The following CR1L variants were observed in gnomAD, a reference collection of about 807,000 sequenced individuals.
CR1L encodes the protein complement component receptor 1-like protein.
In CR1L, 59 loss-of-function variants were observed where a neutral mutation model predicts 62.3. The observed-to-expected ratio is 0.95, with a 90% CI of 0.77 to 1.18. CR1L has a LOEUF of 1.18. CR1L is among the 50% of genes most tolerant of loss of function. The pLI is 0.00. For synonymous variants in CR1L, 279 were observed against 248.7 expected (o/e 1.12, Z -1.15); for missense variants, 700 against 702.8 (o/e 1.00, Z 0.04).
At chr1:207,713,031 T>G (rs1664383298) in intron 10 of CR1L, among the ~76,000 whole-genome samples, 1 of 152,142 alleles carries the variant, frequency 6.6e-6, no homozygotes, top group Admixed American at 6.5e-5. Context: ...ACCTAGTAGA[T>G]AAGAAGTACC....
chr1:207,673,083 A>G lies in CR1L; in HGVS notation c.98-4306A>G, dbSNP rs555197526. The stretch of plus-strand genomic sequence containing the variant: ...ACATTAAGAGAAACAAATGCTGTCA[A>G]TCTAATCACAACTGATCACAACTTG... On this transcript the variant is annotated intron_variant, in intron 1 of 11. Coordinates refer to ENST00000508064, the MANE Select transcript of CR1L (RefSeq NM_175710.2). Among the ~76,000 whole-genome samples, 134 of 152,324 alleles carry G rather than the reference A, an allele frequency of 8.8e-4. 1 individual carries two copies. Among genetic ancestry groups the G allele is most frequent in the African/African-American group, 3.1e-3 (129 of 41,584 alleles).
At chr1:207,681,319 T>C (rs1218903154) in intron 3 of CR1L, among the ~76,000 whole-genome samples, 1 of 152,182 alleles carries the variant, frequency 6.6e-6, no homozygotes, top group Non-Finnish European at 1.5e-5. Context: ...CTTAACTTTG[T>C]GAATCCACAA....
intron 4 of CR1L, among the ~76,000 whole-genome samples, chr1:207,685,598 A>G (rs1047166391): frequency 1.3e-5 from 2 of 152,160 alleles, no homozygotes; most frequent in Non-Finnish European, 2.9e-5. Flanking sequence ...AGTGCTGCCA[A>G]TTGGACTCTG....
At chr1:207,707,240 A>C (rs1375193692) in intron 9 of CR1L, among the ~76,000 whole-genome samples, 2 of 152,198 alleles carry the variant, frequency 1.3e-5, no homozygotes, top group African/African-American at 4.8e-5. Flanking sequence ...CATCGGAAAT[A>C]AGCCCCATCA....
chr1:207,651,875 T>G (rs934040534), intron 1 of CR1L, among the ~76,000 whole-genome samples: 1 of 152,212 alleles, frequency 6.6e-6, no homozygotes, highest in African/African-American at 2.4e-5. Context: ...GTAGTAAATG[T>G]TTTATATTTA....
At chr1:207,683,082 T>TTCTC (rs1416351495) in intron 3 of CR1L, among the ~76,000 whole-genome samples, 1 of 149,616 alleles carries the variant, frequency 6.7e-6, no homozygotes, top group African/African-American at 2.5e-5. Context: ...CTTTCTTTCT[T>TTCTC]TCTCTCTTTC....
intron 10 of CR1L, among the ~76,000 whole-genome samples, chr1:207,714,553 C>T (rs920613572): frequency 6.6e-6 from 1 of 152,098 alleles, no homozygotes; most frequent in Admixed American, 6.5e-5. Context: ...TGGTATTATT[C>T]GTTGCTTATG....
chr1:207,663,004 G>A (rs1220910740), intron 1 of CR1L, among the ~76,000 whole-genome samples: 1 of 152,146 alleles, frequency 6.6e-6, no homozygotes, highest in African/African-American at 2.4e-5. Flanking sequence ...TCTTCCTTTG[G>A]AAGTTTTGTC....
At chr1:207,683,084 CTCTCTT>C (rs1479324064) in intron 3 of CR1L, among the ~76,000 whole-genome samples, 1 of 146,312 alleles carries the variant, frequency 6.8e-6, no homozygotes, top group Non-Finnish European at 1.5e-5. Flanking sequence ...TTCTTTCTTT[CTCTCTT>C]TCTCTTTCTC....
chr1:207,697,924 T>C, intron 7 of CR1L, 51 bp downstream of exon 7: 3 of 1,610,734 alleles, frequency 1.9e-6, no homozygotes, highest in Middle Eastern at 1.7e-4. Context: ...GGGTTAGGAA[T>C]TAGTCCAAAA....
At chr1:207,657,311 G>C (rs1437274515) in intron 1 of CR1L, 5 of 1,137,996 alleles carry the variant, frequency 4.4e-6, no homozygotes, top group Non-Finnish European at 6.7e-6. Context: ...TGCTGCTCCA[G>C]AGTGTAAAAG....
At chr1:207,680,736 C>T (rs763506247) in intron 3 of CR1L, among the ~76,000 whole-genome samples, 3 of 152,168 alleles carry the variant, frequency 2.0e-5, no homozygotes, top group Non-Finnish European at 2.9e-5. Context: ...GTAACTTCTG[C>T]CTTTTTATCC....
chr1:207,686,366 G>A (rs1229477573), intron 4 of CR1L, among the ~76,000 whole-genome samples: 3 of 151,612 alleles, frequency 2.0e-5, no homozygotes, highest in Admixed American at 6.6e-5. Context: ...CTTTTTGTAG[G>A]TAACCATTTT....
At chr1:207,652,799 G>T in intron 1 of CR1L, 1 of 654,102 alleles carries the variant, frequency 1.5e-6, no homozygotes, top group South Asian at 1.6e-5. Flanking sequence ...ACATTTTAGG[G>T]TACATATTCC....
intron 9 of CR1L, among the ~76,000 whole-genome samples, chr1:207,705,706 A>G (rs1326612621): frequency 3.3e-5 from 5 of 152,126 alleles, no homozygotes; most frequent in African/African-American, 7.2e-5. Flanking sequence ...CTCATCTTGC[A>G]TTGTGGAATA....
intron 1 of CR1L, among the ~76,000 whole-genome samples, chr1:207,667,690 A>G (rs906954779): frequency 2.0e-5 from 3 of 152,192 alleles, no homozygotes; most frequent in Non-Finnish European, 2.9e-5. Context: ...GATTGTACAC[A>G]TTTATGGGAT....
chr1:207,665,944 G>A (rs1286569966), intron 1 of CR1L, among the ~76,000 whole-genome samples: 2 of 152,226 alleles, frequency 1.3e-5, no homozygotes, highest in African/African-American at 2.4e-5. Context: ...TGATACACGT[G>A]TGTTGGACCA....
At chr1:207,690,803 C>T (rs562911680) in intron 4 of CR1L, among the ~76,000 whole-genome samples, 1 of 152,210 alleles carries the variant, frequency 6.6e-6, no homozygotes, top group South Asian at 2.1e-4. Flanking sequence ...TGTTCCTTGG[C>T]TTGTAGATGC....
In CR1L at chr1:207,654,073, A is replaced by G. The variant is rs1019224110; in HGVS notation, c.97+8743A>G. ...TCCACTCCCTCAAGAATTAATGAAG[A>G]CCCTCTAGAAAGGCATTATCCCTCT... is the stretch of plus-strand genomic sequence containing the variant. On this transcript the variant is annotated intron_variant, in intron 1 of 11. Coordinates refer to ENST00000508064, the MANE Select transcript of CR1L (RefSeq NM_175710.2). 4.6e-5 allele frequency among the ~76,000 whole-genome samples: 7 copies of G among 152,266 alleles called. 1 individual carries two copies. Among genetic ancestry groups the G allele is most frequent in the Admixed American group, 4.6e-4 (7 of 15,296 alleles).
Sources: allele counts gnomAD v4.1 joint callset (sites outside exome capture counted in the v4.1 genomes callset), GRCh38; gene constraint gnomAD v4.1.1; transcripts MANE v1.5; gene names NCBI Gene and HGNC (gene_info 2026-07-23, HGNC 2026-07-21).